Variants in STON2 observed in about 807,000 individuals in gnomAD.
The protein encoded by STON2 is stonin 2, also known as stonin-2.
In STON2, 29 loss-of-function variants were observed where a neutral mutation model predicts 65.7. The ratio of observed to expected loss-of-function variants is 0.44; its 90% CI spans 0.33 to 0.60. The LOEUF (loss-of-function observed/expected upper bound fraction) is 0.60. Ranked by LOEUF, STON2 falls within the 20% of genes least tolerant of loss-of-function variation. STON2 has a pLI of 0.03. For synonymous variants in STON2, 404 were observed against 414.2 expected (o/e 0.98, Z 0.30); for missense variants, 1,054 against 1,118.1 (o/e 0.94, Z 0.82).
chr14:81,264,954 A>C lies in STON2; in HGVS notation c.*3460T>G. The C allele has an allele frequency of 1.0e-6, 1 of 985,420 alleles. No individual in the cohort carries two copies. Among genetic ancestry groups the C allele is most frequent in the Non-Finnish European group, 1.2e-6 (1 of 829,924 alleles). The allele number at this position is 985,420 out of a possible 1,614,324, so 61.0% of individuals were successfully genotyped here. A position where few individuals can be genotyped will look rare whatever the true frequency, so the allele number is the denominator to read the frequency against. On this transcript the variant is annotated 3_prime_UTR_variant, in exon 8 of 8. Coordinates refer to ENST00000614646, the MANE Select transcript of STON2 (RefSeq NM_001394390.1). ...AAAAAGCAGGCCCTAGACTCAAAAG[A>C]AAGCACAGCTCTTGATACCACGTGA...
intron 3 of STON2, among the ~76,000 whole-genome samples, chr14:81,381,030 G>A (rs747154643): frequency 2.0e-5 from 3 of 152,038 alleles, no homozygotes; most frequent in Non-Finnish European, 4.4e-5. Context: ...TTAACAAGCA[G>A]AATCATACTA....
chr14:81,303,064 G>A (rs1355066777), intron 5 of STON2, among the ~76,000 whole-genome samples: 6 of 148,428 alleles, frequency 4.0e-5, no homozygotes, highest in African/African-American at 1.5e-4. Flanking sequence ...TGGGGGGTGT[G>A]TGTGTGTGTG....
At chr14:81,417,275 C>T (rs1243493952) in intron 2 of STON2, among the ~76,000 whole-genome samples, 4 of 142,252 alleles carry the variant, frequency 2.8e-5, no homozygotes, top group Admixed American at 2.8e-4. Context: ...CTATTCACCG[C>T]CCCGCCCCCG....
intron 2 of STON2, among the ~76,000 whole-genome samples, chr14:81,415,983 G>T (rs1901412664): frequency 1.3e-5 from 2 of 152,276 alleles, no homozygotes; most frequent in Admixed American, 6.5e-5. Flanking sequence ...CAGAAGCAGG[G>T]TGTGGGGAGC....
intron 3 of STON2, among the ~76,000 whole-genome samples, chr14:81,391,987 C>T (rs1190212575): frequency 1.3e-5 from 2 of 152,174 alleles, no homozygotes; most frequent in Non-Finnish European, 2.9e-5. Context: ...AATATTAATA[C>T]ATCTAAAATT....
chr14:81,424,452 AT>A (rs746135684), intron 2 of STON2, among the ~76,000 whole-genome samples: 6 of 151,986 alleles, frequency 3.9e-5, no homozygotes, highest in African/African-American at 9.7e-5. Flanking sequence ...TCAAAAAAAA[AT>A]ATTTTTCTGA....
intron 1 of STON2, among the ~76,000 whole-genome samples, chr14:81,429,259 C>T (rs1902127214): frequency 6.6e-6 from 1 of 152,192 alleles, no homozygotes. Context: ...AAGCTAGACA[C>T]CACCAAATGT....
intron 4 of STON2, among the ~76,000 whole-genome samples, chr14:81,365,326 C>T (rs185809879): frequency 4.6e-5 from 7 of 152,304 alleles, no homozygotes; most frequent in African/African-American, 1.7e-4. Flanking sequence ...CACCTGCAAT[C>T]TCAAGCTATA....
intron 2 of STON2, among the ~76,000 whole-genome samples, chr14:81,409,842 A>G (rs114297257): frequency 0.012 from 1,867 of 152,362 alleles, 39 homozygotes; most frequent in African/African-American, 0.043. Flanking sequence ...TAAGCCAATC[A>G]CAATAATTCC....
intron 5 of STON2, among the ~76,000 whole-genome samples, chr14:81,308,536 C>T (rs968863800): frequency 6.6e-6 from 1 of 151,952 alleles, no homozygotes; most frequent in Non-Finnish European, 1.5e-5. Context: ...ACTGAGCAGA[C>T]AAAACCTAAC....
intron 3 of STON2, among the ~76,000 whole-genome samples, chr14:81,386,101 G>A (rs956170971): frequency 1.3e-5 from 2 of 152,122 alleles, no homozygotes; most frequent in Admixed American, 6.5e-5. Context: ...GATCAGAGAC[G>A]GCATCAGCCC....
At chr14:81,373,348 A>C (rs900555255) in intron 3 of STON2, among the ~76,000 whole-genome samples, 2 of 152,246 alleles carry the variant, frequency 1.3e-5, no homozygotes, top group African/African-American at 2.4e-5. Context: ...ATACTAAAAA[A>C]GAAGAAAAGA....
rs746612469 is a variant in STON2 at position 81,396,006 on chromosome 14, G to C, written c.261C>G (p.Ser87Arg). 1.9e-6 allele frequency: 3 copies of C among 1,614,194 alleles called. No homozygotes were observed. In the Admixed American group the frequency reaches 5.0e-5, roughly 27 times the overall value. ...LISEAASPPGSPEQPPPDLAS... is the reference protein window; with the variant it reads ...LISEAASPPGRPEQPPPDLAS... ...CCAGGTCAGGTGGGGGCTGCTCAGG[G>C]CTCCCAGGTGGGGAAGCTGCTTCAG... Residue 87 changes from serine (S) to arginine (R), a missense_variant, in exon 3 of 8, where the codon AGC (serine) becomes AGG (arginine). Ser to Arg is a moderately radical substitution (Grantham distance 110, BLOSUM62 -1). Transcript: ENST00000614646.
chr14:81,290,505 ATCT>A (rs1895514269), intron 5 of STON2, among the ~76,000 whole-genome samples: 1 of 152,184 alleles, frequency 6.6e-6, no homozygotes, highest in East Asian at 1.9e-4. Context: ...TATCACATCG[ATCT>A]TCTGTTTGTT....
intron 3 of STON2, among the ~76,000 whole-genome samples, chr14:81,376,820 T>G (rs1186731588): frequency 2.0e-5 from 3 of 152,176 alleles, no homozygotes; most frequent in Non-Finnish European, 4.4e-5. Flanking sequence ...GTTATCCAAT[T>G]TATACAAGGT....
intron 5 of STON2, among the ~76,000 whole-genome samples, chr14:81,307,157 G>T (rs991987496): frequency 1.3e-5 from 2 of 152,182 alleles, no homozygotes; most frequent in Admixed American, 6.5e-5. Flanking sequence ...ATTAACAAGA[G>T]AAATTTAAAA....
chr14:81,436,196 C>G (rs1414653189), intron 1 of STON2: 1 of 151,872 alleles, frequency 6.6e-6, no homozygotes, highest in East Asian at 1.9e-4. Flanking sequence ...CCAGGGGGCA[C>G]AGCGGCGCTA....
rs1894268095 is a variant in STON2 at position 81,264,120 on chromosome 14, G to A, written c.*4294C>T. The A allele has an allele frequency of 1.4e-5, 14 of 985,390 alleles. No homozygotes were observed. The highest frequency in any genetic ancestry group is 1.7e-5 in the Non-Finnish European group (14 of 829,932). The allele number at this position is 985,390 out of a possible 1,614,324, so 61.0% of individuals were successfully genotyped here. A position where few individuals can be genotyped will look rare whatever the true frequency, so the allele number is the denominator to read the frequency against. On this transcript the variant is annotated 3_prime_UTR_variant, in exon 8 of 8. Transcript: ENST00000614646. ...GCTCATGGATCTGTTTGACTTGCAG[G>A]AACAAAGCAATCAATCACCGTGACT...
chr14:81,358,599 A>G (rs1420604558), intron 4 of STON2, among the ~76,000 whole-genome samples: 1 of 152,156 alleles, frequency 6.6e-6, no homozygotes, highest in Non-Finnish European at 1.5e-5. Flanking sequence ...AAAAAGACAA[A>G]GAGTGACTGC....
Sources: allele counts gnomAD v4.1 joint callset (sites outside exome capture counted in the v4.1 genomes callset), GRCh38; gene constraint gnomAD v4.1.1; transcripts MANE v1.5; gene names NCBI Gene and HGNC (gene_info 2026-07-23, HGNC 2026-07-21).